ATG10: variants seen among roughly 807,000 people sequenced by gnomAD.
The protein encoded by ATG10 is ubiquitin-like-conjugating enzyme ATG10.
In ATG10, 30 loss-of-function variants were observed where a neutral mutation model predicts 32.1. The ratio of observed to expected loss-of-function variants is 0.94; its 90% CI spans 0.70 to 1.27. ATG10 has a LOEUF of 1.27. ATG10 is among the 50% of genes most tolerant of loss of function. The pLI is 0.00. For synonymous variants in ATG10, 87 were observed against 91.5 expected, an observed-to-expected ratio of 0.95 and a Z score of 0.28; for missense variants, 233 against 262.3, an observed-to-expected ratio of 0.89 and a Z score of 0.77.
At chr5:82,022,478 A>G (rs1023030729) in intron 2 of ATG10, among the ~76,000 whole-genome samples, 3 of 151,254 alleles carry the variant, frequency 2.0e-5, no homozygotes, top group African/African-American at 4.9e-5. Flanking sequence ...ACAGGTACCC[A>G]CAATGCCCGT....
At chr5:82,090,132 G>C (rs1409109481) in intron 3 of ATG10, among the ~76,000 whole-genome samples, 2 of 150,750 alleles carry the variant, frequency 1.3e-5, no homozygotes, top group African/African-American at 4.9e-5. Flanking sequence ...AGGATGCAGA[G>C]AAACTGAATC....
At chr5:81,985,680 G>A (rs1356373932) in intron 1 of ATG10, among the ~76,000 whole-genome samples, 1 of 152,166 alleles carries the variant, frequency 6.6e-6, no homozygotes, top group Non-Finnish European at 1.5e-5. Context: ...TCCATACCTA[G>A]TTCAACAGCA....
intron 3 of ATG10, among the ~76,000 whole-genome samples, chr5:82,071,699 G>T (rs1398735381): frequency 6.6e-6 from 1 of 152,056 alleles, no homozygotes; most frequent in African/African-American, 2.4e-5. Flanking sequence ...GAAAGTAATT[G>T]TCAGTAGAAG....
chr5:82,175,893 A>G (rs1273971552), intron 4 of ATG10, among the ~76,000 whole-genome samples: 1 of 133,936 alleles, frequency 7.5e-6, no homozygotes, highest in Non-Finnish European at 1.8e-5. Flanking sequence ...ACACGCACAC[A>G]CACACACACA....
At chr5:82,114,625 C>T (rs1448006150) in intron 3 of ATG10, among the ~76,000 whole-genome samples, 1 of 151,990 alleles carries the variant, frequency 6.6e-6, no homozygotes, top group Non-Finnish European at 1.5e-5. Context: ...CCTGTAGGTT[C>T]TGGGCTGTTG....
chr5:81,997,368 C>G (rs1761698516), intron 2 of ATG10, among the ~76,000 whole-genome samples: 1 of 152,142 alleles, frequency 6.6e-6, no homozygotes, highest in African/African-American at 2.4e-5. Context: ...GAGCACACAG[C>G]TCAGGAGGGC....
chr5:81,972,890 A>G (rs1760765855), intron 1 of ATG10, among the ~76,000 whole-genome samples: 1 of 152,202 alleles, frequency 6.6e-6, no homozygotes, highest in African/African-American at 2.4e-5. Flanking sequence ...TATTGGAAAT[A>G]AGGCAAAAGG....
At position 82,255,120 on chromosome 5, in the gene ATG10, C is replaced by G. The variant is rs1368398909; in HGVS notation, c.*1057C>G. On this transcript the variant is annotated 3_prime_UTR_variant, in exon 8 of 8. Transcript: ENST00000282185. ...GTCATTTTACCCCTCTGCTTCTCAA[C>G]CCCACAGCTGCTCTGCTGTACTCTT... 6.6e-6 allele frequency: 1 copy of G among 152,142 alleles called. No individual in the cohort carries two copies. The highest frequency in any genetic ancestry group is 1.5e-5 in the Non-Finnish European group (1 of 68,014). The allele number at this position is 152,142 out of a possible 1,614,324, so 9.4% of individuals were successfully genotyped here.
intron 2 of ATG10, among the ~76,000 whole-genome samples, chr5:82,026,241 C>T (rs1196343685): frequency 1.3e-5 from 2 of 152,144 alleles, no homozygotes; most frequent in African/African-American, 4.8e-5. Flanking sequence ...ATATATTTGT[C>T]CTTTTGTGAC....
intron 2 of ATG10, among the ~76,000 whole-genome samples, chr5:82,055,874 C>G (rs543578099): frequency 9.2e-5 from 14 of 152,282 alleles, no homozygotes; most frequent in Admixed American, 6.5e-4. Flanking sequence ...CAAATACTTA[C>G]AAATTTTACA....
Position 82,065,004 on chromosome 5 carries a change from A to C in ATG10, c.216+6402A>C, listed in dbSNP as rs575006456. ...AGTGATTATGTTCTGGCTTTTGTTA[A>C]GTTCTGGCTTTGGGAAACAGTAGTT... On this transcript the variant is annotated intron_variant, in intron 3 of 7. Coordinates refer to ENST00000282185, the MANE Select transcript of ATG10 (RefSeq NM_031482.5). 2.0e-5 allele frequency among the ~76,000 whole-genome samples: 3 copies of C among 152,310 alleles called. No homozygotes were observed. In the South Asian group the frequency reaches 6.2e-4, roughly 32 times the overall value.
chr5:82,159,601 A>G (rs550167780), intron 3 of ATG10, among the ~76,000 whole-genome samples: 1 of 152,176 alleles, frequency 6.6e-6, no homozygotes, highest in Admixed American at 6.6e-5. Context: ...AAGTAGATAG[A>G]ACAGTATAAT....
intron 3 of ATG10, among the ~76,000 whole-genome samples, chr5:82,125,791 GT>G (rs1309106296): frequency 1.3e-5 from 2 of 152,078 alleles, no homozygotes; most frequent in Admixed American, 6.6e-5. Flanking sequence ...ATTTAAAGTA[GT>G]TTTTTCTAAG....
intron 5 of ATG10, among the ~76,000 whole-genome samples, chr5:82,245,315 A>T (rs1746980352): frequency 6.6e-6 from 1 of 152,242 alleles, no homozygotes. Context: ...AAGCCTTACA[A>T]AATCTCCATT....
At chr5:82,093,567 A>G (rs929230196) in intron 3 of ATG10, among the ~76,000 whole-genome samples, 1 of 152,158 alleles carries the variant, frequency 6.6e-6, no homozygotes, top group Non-Finnish European at 1.5e-5. Flanking sequence ...GTTTTATTGG[A>G]ACACAACTAT....
intron 3 of ATG10, among the ~76,000 whole-genome samples, chr5:82,085,828 A>T (rs1764666810): frequency 6.6e-6 from 1 of 152,118 alleles, no homozygotes. Flanking sequence ...AGCTGTATTA[A>T]AGGACTATTT....
At chr5:82,203,788 A>G (rs966378481) in intron 5 of ATG10, among the ~76,000 whole-genome samples, 17 of 152,134 alleles carry the variant, frequency 1.1e-4, no homozygotes, top group African/African-American at 4.1e-4. Flanking sequence ...AAATGATGTG[A>G]CTCTTGTGAC....
At chr5:82,001,511 C>T (rs1761848359) in intron 2 of ATG10, among the ~76,000 whole-genome samples, 1 of 152,252 alleles carries the variant, frequency 6.6e-6, no homozygotes, top group Non-Finnish European at 1.5e-5. Context: ...ATACAACCAT[C>T]TGATCTTCAA....
At chr5:82,024,272 T>G (rs1762532848) in intron 2 of ATG10, among the ~76,000 whole-genome samples, 1 of 144,790 alleles carries the variant, frequency 6.9e-6, no homozygotes, top group Admixed American at 7.2e-5. Context: ...AGATGGATTG[T>G]TCGACTCTCT....
Sources: allele counts gnomAD v4.1 joint callset (sites outside exome capture counted in the v4.1 genomes callset), GRCh38; gene constraint gnomAD v4.1.1; transcripts MANE v1.5; gene names NCBI Gene and HGNC (gene_info 2026-07-23, HGNC 2026-07-21).